ATP6V1C1: variants seen among roughly 807,000 people sequenced by gnomAD.
The protein encoded by ATP6V1C1 is V-type proton ATPase subunit C 1.
A neutral mutation model predicts 53.9 loss-of-function variants in ATP6V1C1; 45 were observed. The observed-to-expected ratio is 0.83, with a 90% CI of 0.66 to 1.07. ATP6V1C1 has a LOEUF of 1.07. ATP6V1C1 is among the 50% of genes least tolerant of loss of function. The pLI, the probability that ATP6V1C1 is intolerant of heterozygous loss-of-function variation, is 0.00. For missense variants in ATP6V1C1, 315 were observed against 440.3 expected, an observed-to-expected ratio of 0.72 and a Z score of 2.55; for synonymous variants, 153 against 155.2, an observed-to-expected ratio of 0.99 and a Z score of 0.11.
intron 4 of ATP6V1C1, among the ~76,000 whole-genome samples, chr8:103,050,834 A>G (rs1409813937): frequency 2.0e-5 from 3 of 152,192 alleles, no homozygotes; most frequent in Non-Finnish European, 4.4e-5. Context: ...GCATCTTAAT[A>G]TGTATTAAAG....
At chr8:103,030,822 A>T (rs1448163254) in intron 1 of ATP6V1C1, among the ~76,000 whole-genome samples, 1 of 152,182 alleles carries the variant, frequency 6.6e-6, no homozygotes, top group African/African-American at 2.4e-5. Flanking sequence ...CTTTAAACTG[A>T]AGAATTGCCA....
chr8:103,036,320 T>G (rs996165939), intron 1 of ATP6V1C1, among the ~76,000 whole-genome samples: 2 of 152,178 alleles, frequency 1.3e-5, no homozygotes, highest in Non-Finnish European at 2.9e-5. Flanking sequence ...AAGCACAACA[T>G]CAGACTTAGA....
At chr8:103,029,279 CTCTTCT>C (rs200416186) in intron 1 of ATP6V1C1, among the ~76,000 whole-genome samples, 5 of 120,664 alleles carry the variant, frequency 4.1e-5, no homozygotes, top group African/African-American at 1.7e-4. Flanking sequence ...CTCTCTCTCT[CTCTTCT>C]TTTTTTTTTT....
At chr8:103,055,107 T>C (rs771976614) in intron 7 of ATP6V1C1, among the ~76,000 whole-genome samples, 2 of 152,166 alleles carry the variant, frequency 1.3e-5, no homozygotes, top group East Asian at 1.9e-4. Context: ...TGATTATTTA[T>C]AACAAATTCT....
chr8:103,055,957 A>T, intron 8 of ATP6V1C1, 21 bp downstream of exon 8: 1 of 1,604,324 alleles, frequency 6.2e-7, no homozygotes, highest in Non-Finnish European at 8.5e-7. Context: ...GTCTTTGTAA[A>T]ACCATTTGTT....
intron 3 of ATP6V1C1, among the ~76,000 whole-genome samples, chr8:103,046,765 A>G (rs928158908): frequency 1.3e-5 from 2 of 152,204 alleles, no homozygotes; most frequent in Non-Finnish European, 2.9e-5. Context: ...AATATTGTAG[A>G]ATATGGTATA....
chr8:103,065,025 T>A (rs1343821994), intron 11 of ATP6V1C1, among the ~76,000 whole-genome samples: 1 of 152,194 alleles, frequency 6.6e-6, no homozygotes, highest in Non-Finnish European at 1.5e-5. Flanking sequence ...AGATTTATGC[T>A]GCCATACCCT....
At chr8:103,060,938 A>G (rs1817385489) in intron 8 of ATP6V1C1, among the ~76,000 whole-genome samples, 1 of 152,204 alleles carries the variant, frequency 6.6e-6, no homozygotes, top group South Asian at 2.1e-4. Context: ...GGTCTTCAAA[A>G]CAGCAAAGTG....
intron 1 of ATP6V1C1, among the ~76,000 whole-genome samples, chr8:103,029,471 TTGCCCAGGC>T (rs1816755509): frequency 6.6e-6 from 1 of 152,182 alleles, no homozygotes; most frequent in Non-Finnish European, 1.5e-5. Context: ...TTTCACCCTG[TTGCCCAGGC>T]TGGTCTTGAA....
At chr8:103,029,307 G>C (rs768024995) in intron 1 of ATP6V1C1, among the ~76,000 whole-genome samples, 5 of 144,412 alleles carry the variant, frequency 3.5e-5, no homozygotes, top group Non-Finnish European at 7.5e-5. Flanking sequence ...AAGACCCTCT[G>C]TCACCCAGGC....
intron 1 of ATP6V1C1, among the ~76,000 whole-genome samples, chr8:103,029,568 C>T (rs1018551620): frequency 3.3e-5 from 5 of 152,036 alleles, no homozygotes; most frequent in Admixed American, 3.3e-4. Context: ...GCACCCAGCC[C>T]ATCTGTTGTT....
At chr8:103,046,249 C>T (rs1175254607) in intron 3 of ATP6V1C1, among the ~76,000 whole-genome samples, 2 of 151,990 alleles carry the variant, frequency 1.3e-5, no homozygotes, top group African/African-American at 2.4e-5. Context: ...TGGTGTCACC[C>T]AGGCTAGAGT....
chr8:103,059,038 C>T (rs1182709220), intron 8 of ATP6V1C1, among the ~76,000 whole-genome samples: 1 of 148,728 alleles, frequency 6.7e-6, no homozygotes, highest in East Asian at 2.0e-4. Context: ...TGAGTCAGAT[C>T]ACTGGTTAAC....
At chr8:103,050,569 A>G (rs576975829) in intron 4 of ATP6V1C1, among the ~76,000 whole-genome samples, 110 of 152,126 alleles carry the variant, frequency 7.2e-4, no homozygotes, top group Non-Finnish European at 1.0e-3. Flanking sequence ...TATTCTTTCC[A>G]TTTGAAAGTG....
chr8:103,025,404 A>T (rs903639325), intron 1 of ATP6V1C1, among the ~76,000 whole-genome samples: 2 of 152,214 alleles, frequency 1.3e-5, no homozygotes, highest in African/African-American at 4.8e-5. Context: ...GGTGCAAAAC[A>T]TGCATGTGGT....
intron 1 of ATP6V1C1, among the ~76,000 whole-genome samples, chr8:103,035,889 C>T (rs141503364): frequency 1.3e-3 from 200 of 152,204 alleles, no homozygotes; most frequent in African/African-American, 4.5e-3. Context: ...TGTGTCCTTT[C>T]GTTTGGAGGA....
intron 1 of ATP6V1C1, among the ~76,000 whole-genome samples, chr8:103,028,379 T>C (rs557008735): frequency 3.9e-5 from 6 of 152,340 alleles, no homozygotes; most frequent in African/African-American, 1.2e-4. Context: ...ATTTGAGTTT[T>C]GTTTCCAAGA....
At chr8:103,062,277 C>G (rs1478772089) in intron 8 of ATP6V1C1, among the ~76,000 whole-genome samples, 1 of 142,146 alleles carries the variant, frequency 7.0e-6, no homozygotes. Flanking sequence ...CTCCAGTGAT[C>G]CTCCCACCTC....
chr8:103,042,928 T>C (rs1817026943), intron 3 of ATP6V1C1, among the ~76,000 whole-genome samples: 1 of 152,222 alleles, frequency 6.6e-6, no homozygotes, highest in African/African-American at 2.4e-5. Context: ...GTATCAGTAT[T>C]TCATTTCTTT....
Sources: gnomAD v4.1 joint callset for allele counts (sites outside exome capture counted in the v4.1 genomes callset) on GRCh38, gnomAD v4.1.1 for gene constraint, MANE v1.5 for transcripts, NCBI Gene and HGNC (gene_info 2026-07-23, HGNC 2026-07-21) for gene names.